PIK3CB: variants seen among roughly 807,000 people sequenced by gnomAD.
PIK3CB encodes phosphatidylinositol 4,5-bisphosphate 3-kinase catalytic subunit beta isoform.
A neutral mutation model predicts 136.8 loss-of-function variants in PIK3CB; 39 were observed. That is an observed-to-expected ratio of 0.29 (90% CI 0.22 to 0.37). The LOEUF (loss-of-function observed/expected upper bound fraction) is 0.37, where lower values mean the gene tolerates loss of function less well. Among genes scored for constraint, PIK3CB ranks in the 10% least tolerant of loss-of-function variants. The pLI, the probability that PIK3CB is intolerant of heterozygous loss-of-function variation, is 1.00. For missense variants in PIK3CB, 868 were observed against 1,275.4 expected (o/e 0.68, Z 4.87); for synonymous variants, 428 against 436.6 (o/e 0.98, Z 0.25).
intron 19 of PIK3CB, among the ~76,000 whole-genome samples, chr3:138,676,158 T>C (rs904058180): frequency 2.2e-4 from 33 of 151,926 alleles, no homozygotes; most frequent in Admixed American, 7.2e-4. Flanking sequence ...GAGCAGAGGA[T>C]CTAAATGGAC....
At chr3:138,806,673 G>A (rs1488644674) in intron 1 of PIK3CB, among the ~76,000 whole-genome samples, 1 of 152,144 alleles carries the variant, frequency 6.6e-6, no homozygotes, top group African/African-American at 2.4e-5. Context: ...CTTGAAAAGA[G>A]ACCAACAGAA....
chr3:138,672,695 T>C (rs572018079), intron 19 of PIK3CB, among the ~76,000 whole-genome samples: 1 of 152,086 alleles, frequency 6.6e-6, no homozygotes, highest in Admixed American at 6.5e-5. Flanking sequence ...GCGGATCACC[T>C]GAGGTCAACA....
At position 138,800,883 on chromosome 3, in the gene PIK3CB, C is replaced by A. The variant is rs142880439; in HGVS notation, c.-121-4316G>T. ...TCAGGTAATCTACCCACCTAGGCATCCCAAAGTACTGGGATTATAGGCGTG... is the reference window on the plus strand; with the variant it reads ...TCAGGTAATCTACCCACCTAGGCATACCAAAGTACTGGGATTATAGGCGTG... On this transcript the variant is annotated intron_variant, in intron 1 of 23. Transcript: ENST00000674063. 8.6e-3 allele frequency among the ~76,000 whole-genome samples: 1,308 copies of A among 152,280 alleles called. 26 individuals carry two copies. The highest frequency in any genetic ancestry group is 0.029 in the African/African-American group (1,186 of 41,544).
intron 12 of PIK3CB, among the ~76,000 whole-genome samples, chr3:138,701,196 T>C (rs1317433984): frequency 6.7e-6 from 1 of 148,872 alleles, no homozygotes; most frequent in East Asian, 2.0e-4. Context: ...TCTTCAGAAA[T>C]GTCAGTCATT....
At chr3:138,749,725 A>G (rs1273271567) in intron 4 of PIK3CB, among the ~76,000 whole-genome samples, 2 of 152,178 alleles carry the variant, frequency 1.3e-5, no homozygotes, top group East Asian at 1.9e-4. Flanking sequence ...ATTCCTAATC[A>G]GCATTGATGG....
At chr3:138,674,047 T>TC (rs1465730480) in intron 19 of PIK3CB, among the ~76,000 whole-genome samples, 2 of 152,012 alleles carry the variant, frequency 1.3e-5, no homozygotes, top group African/African-American at 4.8e-5. Context: ...ATTGTAGCTG[T>TC]CTTGGGGGTA....
At chr3:138,818,770 C>A (rs1669060508) in intron 1 of PIK3CB, among the ~76,000 whole-genome samples, 1 of 152,098 alleles carries the variant, frequency 6.6e-6, no homozygotes, top group South Asian at 2.1e-4. Flanking sequence ...ATAAATATTT[C>A]ATAACATCCC....
chr3:138,796,877 C>T (rs968702478), intron 1 of PIK3CB: 7 of 152,222 alleles, frequency 4.6e-5, no homozygotes, highest in Admixed American at 2.6e-4. Flanking sequence ...AAAGGAAGCC[C>T]CTGCCTCTCC....
rs1185777657 is a variant in PIK3CB, at chr3:138,748,883, A to T, written c.398-6102T>A. Among the ~76,000 whole-genome samples, 4 of 152,316 alleles carry T rather than the reference A, an allele frequency of 2.6e-5. No homozygotes were observed. In the East Asian group the frequency reaches 5.8e-4, roughly 22 times the overall value. ...ATTCCATAAAATTAATCTATACTAT[A>T]CTATTTGAACATATGCATGTCAGTA... On this transcript the variant is annotated intron_variant, in intron 4 of 23. Coordinates refer to ENST00000674063, the MANE Select transcript of PIK3CB (RefSeq NM_006219.3).
At chr3:138,737,971 T>C in intron 5 of PIK3CB, 85 bp from the exon 6 acceptor site, 2 of 721,014 alleles carry the variant, frequency 2.8e-6, no homozygotes, top group Non-Finnish European at 2.2e-6. Context: ...TGTAATAATA[T>C]GTACAAATGT....
chr3:138,732,547 A>G (rs2045005821), intron 8 of PIK3CB, among the ~76,000 whole-genome samples: 1 of 152,200 alleles, frequency 6.6e-6, no homozygotes, highest in Admixed American at 6.5e-5. Flanking sequence ...ATTAGGGAAA[A>G]TAAATGCTTT....
intron 16 of PIK3CB, among the ~76,000 whole-genome samples, chr3:138,688,479 C>A: frequency 9.5e-6 from 1 of 105,240 alleles, no homozygotes; most frequent in Non-Finnish European, 1.7e-5. Flanking sequence ...CCAGCCTGGG[C>A]AACAGAGCGA....
chr3:138,676,196 C>T (rs948614951), intron 19 of PIK3CB, among the ~76,000 whole-genome samples: 4 of 152,006 alleles, frequency 2.6e-5, no homozygotes, highest in African/African-American at 9.7e-5. Flanking sequence ...ATAGAAATAA[C>T]CAACAAGCAC....
At chr3:138,781,713 G>A (rs951763658) in intron 2 of PIK3CB, among the ~76,000 whole-genome samples, 32 of 151,994 alleles carry the variant, frequency 2.1e-4, no homozygotes, top group African/African-American at 6.0e-4. Flanking sequence ...CCTCGGCCTC[G>A]CAAAGTGCTG....
chr3:138,660,978 G>C (rs1236829009), intron 21 of PIK3CB, among the ~76,000 whole-genome samples: 1 of 152,192 alleles, frequency 6.6e-6, no homozygotes, highest in Non-Finnish European at 1.5e-5. Flanking sequence ...TCAACTGTCA[G>C]ATCTGCAGGA....
chr3:138,817,673 A>G (rs981120332), intron 1 of PIK3CB, among the ~76,000 whole-genome samples: 3 of 152,232 alleles, frequency 2.0e-5, no homozygotes, highest in African/African-American at 7.2e-5. Flanking sequence ...TGATGGCCCA[A>G]TTCAAACCTT....
intron 1 of PIK3CB, chr3:138,825,834 C>A: frequency 1.7e-6 from 2 of 1,202,374 alleles, no homozygotes; most frequent in Non-Finnish European, 2.4e-6. Context: ...CACCATGAAG[C>A]TTTGGGTGAA....
rs144566184 is a variant in PIK3CB at position 138,798,325 on chromosome 3, C to T, written c.-121-1758G>A. 2.3e-3 allele frequency among the ~76,000 whole-genome samples: 350 copies of T among 152,138 alleles called. 1 individual carries two copies. Among genetic ancestry groups the T allele is most frequent in the African/African-American group, 7.8e-3 (325 of 41,510 alleles). On this transcript the variant is annotated intron_variant, in intron 1 of 23. Transcript: ENST00000674063. ...GACTAGAGACGTGCACCACCACGCC[C>T]GGCTAATTTTTGTATTTTTAGTAGA...
chr3:138,803,452 A>G (rs918055553), intron 1 of PIK3CB, among the ~76,000 whole-genome samples: 17 of 152,302 alleles, frequency 1.1e-4, no homozygotes, highest in African/African-American at 4.1e-4. Context: ...GTAAACACCA[A>G]CATGATAGCA....
Sources: allele counts gnomAD v4.1 joint callset (sites outside exome capture counted in the v4.1 genomes callset), GRCh38; gene constraint gnomAD v4.1.1; transcripts MANE v1.5; gene names NCBI Gene and HGNC (gene_info 2026-07-23, HGNC 2026-07-21).